The following EDNRB variants were observed in gnomAD, a reference collection of about 807,000 sequenced individuals.
The protein encoded by EDNRB is Hirschsprung disease 2.
A neutral mutation model predicts 46.4 loss-of-function variants in EDNRB; 18 were observed. That is an observed-to-expected ratio of 0.39 (90% CI 0.27 to 0.57). The LOEUF is 0.57. Among genes scored for constraint, EDNRB ranks in the 20% least tolerant of loss-of-function variants. EDNRB has a pLI of 0.61. For missense variants in EDNRB, 434 were observed against 537.5 expected, an observed-to-expected ratio of 0.81 and a Z score of 1.90; for synonymous variants, 213 against 204.9, an observed-to-expected ratio of 1.04 and a Z score of -0.34.
chr13:77,974,315 T>G (rs183901803), intron 1 of EDNRB, among the ~76,000 whole-genome samples: 82 of 152,322 alleles, frequency 5.4e-4, no homozygotes, highest in Non-Finnish European at 2.5e-4. Flanking sequence ...TTATTATTAT[T>G]ATTTTACTTT....
intron 1 of EDNRB, among the ~76,000 whole-genome samples, chr13:77,908,833 C>T (rs940018610): frequency 3.9e-5 from 6 of 151,946 alleles, no homozygotes; most frequent in African/African-American, 1.4e-4. Context: ...CACTATGTCG[C>T]TTCCACATAA....
At chr13:77,898,598 C>G (rs1594354570) in intron 6 of EDNRB, among the ~76,000 whole-genome samples, 1 of 151,956 alleles carries the variant, frequency 6.6e-6, no homozygotes, top group Admixed American at 6.6e-5. Context: ...GATATTTACT[C>G]TTGGTTATTT....
intron 1 of EDNRB, among the ~76,000 whole-genome samples, chr13:77,950,620 G>T (rs894558895): frequency 2.6e-5 from 4 of 152,132 alleles, no homozygotes; most frequent in African/African-American, 9.7e-5. Flanking sequence ...CCTGCTGCAG[G>T]GTTTTATCCT....
Position 77,898,344 on chromosome 13 carries a change from AC to A in EDNRB, c.1195-11del. On this transcript the variant is annotated splice_polypyrimidine_tract_variant and intron_variant, in intron 6 of 6. Transcript: ENST00000646607. ...AGCAGCATAAGCATGACTGTACAAA[AC>A]AAAGTAACTCATTATATGTTAACAT... 1 of 1,611,472 alleles carries A rather than the reference AC, an allele frequency of 6.2e-7. No homozygotes were observed. Among genetic ancestry groups the A allele is most frequent in the South Asian group, 1.1e-5 (1 of 91,024 alleles).
intron 1 of EDNRB, among the ~76,000 whole-genome samples, chr13:77,954,762 C>T (rs1455642167): frequency 1.3e-5 from 2 of 152,114 alleles, no homozygotes; most frequent in African/African-American, 4.8e-5. Context: ...CTGCCTCGGC[C>T]TCCCAAAGTG....
At chr13:77,973,093 G>C (rs1881783953) in intron 1 of EDNRB, among the ~76,000 whole-genome samples, 1 of 152,188 alleles carries the variant, frequency 6.6e-6, no homozygotes. Context: ...GATAAGCCAA[G>C]TATATAATTT....
At chr13:77,933,130 C>T (rs1880449570) in intron 1 of EDNRB, among the ~76,000 whole-genome samples, 3 of 152,200 alleles carry the variant, frequency 2.0e-5, no homozygotes, top group South Asian at 4.1e-4. Flanking sequence ...ATACTAGCAA[C>T]TCATATGCCC....
At position 77,928,020 on chromosome 13, in the gene EDNRB, C is replaced by T. The variant is rs146833022; in HGVS notation, c.-51-9396G>A. On this transcript the variant is annotated intron_variant, in intron 1 of 7. Transcript: ENST00000646948. Reference sequence around the variant, plus strand: ...AGAAGTGACTTTGCTCCTCCTTTGCCTTCTGCCATGATTGTGAGGCTTCCC... The same window carrying T: ...AGAAGTGACTTTGCTCCTCCTTTGCTTTCTGCCATGATTGTGAGGCTTCCC... 2.4e-3 allele frequency among the ~76,000 whole-genome samples: 367 copies of T among 152,254 alleles called. 1 individual carries two copies. The highest frequency in any genetic ancestry group is 8.4e-3 in the African/African-American group (349 of 41,536).
intron 1 of EDNRB, among the ~76,000 whole-genome samples, chr13:77,967,377 C>T (rs1170399863): frequency 6.6e-6 from 1 of 152,156 alleles, no homozygotes. Context: ...TCTCTAGCAC[C>T]ATCATCCTTC....
chr13:77,962,094 C>A (rs1047346659), intron 1 of EDNRB, among the ~76,000 whole-genome samples: 2 of 152,032 alleles, frequency 1.3e-5, no homozygotes, highest in African/African-American at 4.8e-5. Flanking sequence ...AAGTTAAATC[C>A]CTGAATAGAC....
At chr13:77,940,893 C>T (rs141006228) in intron 1 of EDNRB, among the ~76,000 whole-genome samples, 13 of 152,140 alleles carry the variant, frequency 8.5e-5, no homozygotes, top group East Asian at 3.9e-4. Context: ...TCTCTGTGTG[C>T]GAGTTGAAAG....
At chr13:77,974,266 A>G (rs1318240220) in intron 1 of EDNRB, among the ~76,000 whole-genome samples, 1 of 152,132 alleles carries the variant, frequency 6.6e-6, no homozygotes, top group East Asian at 1.9e-4. Context: ...TCTGAACTGA[A>G]CTAGTGAGGT....
intron 1 of EDNRB, among the ~76,000 whole-genome samples, chr13:77,970,283 T>A (rs1881690892): frequency 6.6e-6 from 1 of 152,136 alleles, no homozygotes; most frequent in South Asian, 2.1e-4. Context: ...TCCAGACCCC[T>A]GGTGGTATTT....
chr13:77,919,863 C>CCTG, upstream of EDNRB: 1 of 422,624 alleles, frequency 2.4e-6, no homozygotes. Context: ...TAGAACAAGG[C>CCTG]TCTGCACTGA....
chr13:77,898,349 G>GT lies in EDNRB; in HGVS notation c.1195-16dup. On this transcript the variant is annotated splice_polypyrimidine_tract_variant and intron_variant, in intron 6 of 6. Transcript: ENST00000646607. Reference sequence around the variant, plus strand: ...CATAAGCATGACTGTACAAAACAAAGTAACTCATTATATGTTAACATCAGT... The same window carrying GT: ...CATAAGCATGACTGTACAAAACAAAGTTAACTCATTATATGTTAACATCAGT... 1 of 1,611,112 alleles carries GT rather than the reference G, an allele frequency of 6.2e-7. No individual in the cohort carries two copies. The highest frequency in any genetic ancestry group is 8.5e-7 in the Non-Finnish European group (1 of 1,178,308).
intron 1 of EDNRB, among the ~76,000 whole-genome samples, chr13:77,965,964 C>T (rs181693933): frequency 6.6e-6 from 1 of 152,266 alleles, no homozygotes; most frequent in East Asian, 1.9e-4. Flanking sequence ...GCAGCCTCAA[C>T]CTTTTGGTCT....
chr13:77,959,096 T>A (rs1881323970), intron 1 of EDNRB, among the ~76,000 whole-genome samples: 1 of 152,226 alleles, frequency 6.6e-6, no homozygotes, highest in African/African-American at 2.4e-5. Context: ...TAATATTACA[T>A]TTTCTCCTAT....
At chr13:77,933,382 C>T (rs1344921833) in intron 1 of EDNRB, among the ~76,000 whole-genome samples, 1 of 152,056 alleles carries the variant, frequency 6.6e-6, no homozygotes, top group African/African-American at 2.4e-5. Context: ...AGGAAAATTA[C>T]AGTCAAAGGG....
chr13:77,910,713 A>G (rs2137627173), intron 1 of EDNRB, among the ~76,000 whole-genome samples: 1 of 152,098 alleles, frequency 6.6e-6, no homozygotes, highest in Admixed American at 6.6e-5. Flanking sequence ...CAGGGGTGCC[A>G]TCTCAATAGA....
Sources: allele counts gnomAD v4.1 joint callset (sites outside exome capture counted in the v4.1 genomes callset), GRCh38; gene constraint gnomAD v4.1.1; transcripts MANE v1.5; gene names NCBI Gene and HGNC (gene_info 2026-07-23, HGNC 2026-07-21).